Variants in UTP15 observed in about 807,000 individuals in gnomAD.
UTP15 encodes the protein UTP15 small subunit processome component, also known as U3 small nucleolar RNA-associated protein 15 homolog.
In UTP15, 5 loss-of-function variants were observed where a neutral mutation model predicts 59.1. The ratio of observed to expected loss-of-function variants is 0.08; its 90% CI spans 0.04 to 0.18. UTP15 has a LOEUF of 0.18. Among genes scored for constraint, UTP15 ranks in the 10% least tolerant of loss-of-function variants. The probability of loss-of-function intolerance (pLI) is 1.00; values close to 1 mark genes in which losing one functional copy is unlikely to be tolerated. For missense variants in UTP15, 494 were observed against 616.7 expected (o/e 0.80, Z 2.11); for synonymous variants, 211 against 212.2 (o/e 0.99, Z 0.05).
chr5:73,567,522 A>G (rs965816405), intron 2 of UTP15, 88 bp downstream of exon 2: 4 of 902,670 alleles, frequency 4.4e-6, no homozygotes, highest in Admixed American at 2.8e-5. Flanking sequence ...TCTAACAGAG[A>G]ATTATTAACT....
At chr5:73,577,725 ATG>A (rs1748143905) in intron 8 of UTP15, 129 bp from the exon 9 acceptor site, 3 of 728,428 alleles carry the variant, frequency 4.1e-6, no homozygotes, top group Admixed American at 3.5e-5. Context: ...TAGGCAGACT[ATG>A]TGTATTTGAA....
chr5:73,579,510 C>A, intron 12 of UTP15, 135 bp downstream of exon 12: 1 of 739,892 alleles, frequency 1.4e-6, no homozygotes, highest in Non-Finnish European at 2.1e-6. Flanking sequence ...ATGGAGAAAA[C>A]AACAAGTCAG....
intron 2 of UTP15, chr5:73,567,636 A>G (rs540517868): frequency 7.5e-6 from 3 of 399,198 alleles, no homozygotes; most frequent in African/African-American, 6.2e-5. Flanking sequence ...GATTAACCAT[A>G]CAAATGCCTA....
rs1748279567 is a variant in UTP15 at position 73,580,777 on chromosome 5, C to A, written c.*683C>A. On this transcript the variant is annotated 3_prime_UTR_variant, in exon 13 of 13. Transcript: ENST00000296792. ...GACTACTTTTTTTTTTTTCTTCATG[C>A]AGCCTTTCTACCAAGTTTTCACCTT... 1 of 151,780 alleles carries A rather than the reference C, an allele frequency of 6.6e-6. No homozygotes were observed. Among genetic ancestry groups the A allele is most frequent in the Non-Finnish European group, 1.5e-5 (1 of 67,944 alleles). The allele number at this position is 151,780 out of a possible 1,614,324, so 9.4% of individuals were successfully genotyped here. A position where few individuals can be genotyped will look rare whatever the true frequency, so the allele number is the denominator to read the frequency against.
chr5:73,579,138 A>T lies in UTP15; in HGVS notation c.1268A>T (p.Asn423Ile). 2.5e-6 allele frequency: 4 copies of T among 1,613,726 alleles called. No individual in the cohort carries two copies. Among genetic ancestry groups the T allele is most frequent in the Non-Finnish European group, 3.4e-6 (4 of 1,179,776 alleles). Residue 423 changes from asparagine (N) to isoleucine (I), a missense_variant, in exon 11 of 13, where the codon AAT becomes ATT. Transcript: ENST00000296792. ...GAGAAGGAAATCAGTCATGTTCTTA[A>T]TTTTTTGATAAGGTATGTTTTTTGT... ...RDEKEISHVLNFLIRNLSQPR... is the reference protein window; with the variant it reads ...RDEKEISHVLIFLIRNLSQPR...
Position 73,572,599 on chromosome 5 carries a change from A to C in UTP15, c.784A>C (p.Arg262=). The change falls in exon 7 of 13, where the codon AGG becomes CGG. Residue 262 remains arginine (R), a synonymous_variant. Transcript: ENST00000296792. ...TTTATGTCTAAGCAGCTCTGGACAG[A>C]GGTTACTCTCTGGCTCACTGGATAG... ...TCLCLSSSGQ[R]LLSGSLDRKV... 1 of 1,613,998 alleles carries C rather than the reference A, an allele frequency of 6.2e-7. No homozygotes were observed. The highest frequency in any genetic ancestry group is 8.5e-7 in the Non-Finnish European group (1 of 1,179,972).
At position 73,580,144 on chromosome 5, in the gene UTP15, CTG is replaced by C. The variant is rs1288780697; in HGVS notation, c.*52_*53del. The C allele has an allele frequency of 3.9e-6, 6 of 1,532,942 alleles. No individual in the cohort carries two copies. In the Admixed American group the frequency reaches 8.8e-5, roughly 23 times the overall value. The allele number at this position is 1,532,942 out of a possible 1,614,324, so 95.0% of individuals were successfully genotyped here. On this transcript the variant is annotated 3_prime_UTR_variant, in exon 13 of 13. Coordinates refer to ENST00000296792, the MANE Select transcript of UTP15 (RefSeq NM_032175.4). ...AACTCTGAAGTTGGAATAGATTTGA[CTG>C]TATTAAATGTTGGCGAGAGACTCTC...
At chr5:73,570,456 C>T in intron 5 of UTP15, 130 bp from the exon 6 acceptor site, 1 of 876,718 alleles carries the variant, frequency 1.1e-6, no homozygotes, top group Non-Finnish European at 1.7e-6. Context: ...CCTGTGTCTT[C>T]ATGAATATAC....
At position 73,577,849 on chromosome 5, in the gene UTP15, T is replaced by C; in HGVS notation, c.895-7T>C. The C allele has an allele frequency of 6.3e-7, 1 of 1,575,368 alleles. No homozygotes were observed. The highest frequency in any genetic ancestry group is 8.6e-7 in the Non-Finnish European group (1 of 1,167,750). ...ATAGACTAACTTATTTTTCTAATTG[T>C]TATTAGCATGAAGATGAGACAATAG... On this transcript the variant is annotated splice_region_variant and splice_polypyrimidine_tract_variant and intron_variant, in intron 8 of 12. Transcript: ENST00000296792.
At position 73,567,431 on chromosome 5, in the gene UTP15, T is replaced by C. The variant is rs1226619964; in HGVS notation, c.87T>C (p.Tyr29=). 5 of 1,599,222 alleles carry C rather than the reference T, an allele frequency of 3.1e-6. No homozygotes were observed. Among genetic ancestry groups the C allele is most frequent in the Non-Finnish European group, 4.3e-6 (5 of 1,172,506 alleles). ...AAGATACACTGTACTGGAACAACTA[T>C]AAGGTGAGTGTGGGACGTAATGAGG... ...ITQDTLYWNN[Y]KTPVQIKEFG... is the part of the protein sequence containing the mutation. Residue 29 remains tyrosine (Y), a synonymous_variant, in exon 2 of 13, where the codon TAT becomes TAC. Coordinates refer to ENST00000296792, the MANE Select transcript of UTP15 (RefSeq NM_032175.4).
rs1748323055 is a variant in UTP15, at chr5:73,581,772, C to T, written c.*1678C>T. The T allele has an allele frequency of 6.6e-6, 1 of 151,784 alleles. No homozygotes were observed. The highest frequency in any genetic ancestry group is 2.4e-5 in the African/African-American group (1 of 41,290). The allele number at this position is 151,784 out of a possible 1,614,324, so 9.4% of individuals were successfully genotyped here. On this transcript the variant is annotated 3_prime_UTR_variant, in exon 13 of 13. Coordinates refer to ENST00000296792, the MANE Select transcript of UTP15 (RefSeq NM_032175.4). Reference sequence around the variant, plus strand: ...TAAATTAATATGTTAAGTGAATATACTTAATATATTCTAGTACAGGTATGC... The same window carrying T: ...TAAATTAATATGTTAAGTGAATATATTTAATATATTCTAGTACAGGTATGC...
At position 73,581,076 on chromosome 5, in the gene UTP15, CAG is replaced by C. The variant is rs1748288752; in HGVS notation, c.*983_*984del. The C allele has an allele frequency of 6.8e-6, 1 of 146,026 alleles. No individual in the cohort carries two copies. Among genetic ancestry groups the C allele is most frequent in the Non-Finnish European group, 1.5e-5 (1 of 66,862 alleles). 9.0% of individuals were successfully genotyped at this position (146,026 alleles called of 1,614,324 possible). On this transcript the variant is annotated 3_prime_UTR_variant, in exon 13 of 13. Transcript: ENST00000296792. ...GAAGTTTTTTTTTTTTTTTTAAAGACAGGGTCTCGCTTTATCGCCCAGGCTGG... is the reference window on the plus strand; with the variant it reads ...GAAGTTTTTTTTTTTTTTTTAAAGACGGTCTCGCTTTATCGCCCAGGCTGG...
chr5:73,573,039 G>A (rs529847751), intron 7 of UTP15, among the ~76,000 whole-genome samples: 172 of 151,946 alleles, frequency 1.1e-3, no homozygotes, highest in African/African-American at 4.0e-3. Flanking sequence ...CTCGTGATCC[G>A]CCCACCTCAG....
At position 73,583,274 on chromosome 5, in the gene UTP15, G is replaced by A. The variant is rs1748375679; in HGVS notation, c.*3180G>A. 1 of 152,214 alleles carries A rather than the reference G, an allele frequency of 6.6e-6. No individual in the cohort carries two copies. The highest frequency in any genetic ancestry group is 2.4e-5 in the African/African-American group (1 of 41,446). The allele number at this position is 152,214 out of a possible 1,614,324, so 9.4% of individuals were successfully genotyped here. A position where few individuals can be genotyped will look rare whatever the true frequency, so the allele number is the denominator to read the frequency against. On this transcript the variant is annotated 3_prime_UTR_variant, in exon 13 of 13. Transcript: ENST00000296792. ...TCTGGGAAAATGGGAGGCTGGGAAT[G>A]CTATGTCTAGGTCATCAGCGGAGAA...
In UTP15 at chr5:73,571,708, G is replaced by A. The variant is rs574896871; in HGVS notation, c.674-781G>A. 7.2e-5 allele frequency among the ~76,000 whole-genome samples: 11 copies of A among 152,194 alleles called. No individual in the cohort carries two copies. The South Asian group carries it at 1.9e-3, about 26-fold the overall frequency. On this transcript the variant is annotated intron_variant, in intron 6 of 12. Coordinates refer to ENST00000296792, the MANE Select transcript of UTP15 (RefSeq NM_032175.4). The stretch of plus-strand genomic sequence containing the variant: ...CCTAGCACTTTGGGAGGCTGAGGCA[G>A]GCGGATAGCTTGAGTCCAGGAGTTT...
Position 73,580,480 on chromosome 5 carries a change from A to G in UTP15, c.*386A>G, listed in dbSNP as rs978634395. 1 of 157,274 alleles carries G rather than the reference A, an allele frequency of 6.4e-6. No homozygotes were observed. The highest frequency in any genetic ancestry group is 2.4e-5 in the African/African-American group (1 of 41,542). The allele number at this position is 157,274 out of a possible 1,614,324, so 9.7% of individuals were successfully genotyped here. A position where few individuals can be genotyped will look rare whatever the true frequency, so the allele number is the denominator to read the frequency against. ...TCCTGCTAAAGGAGCAAAGCCTTGT[A>G]TTACCTCTGGAAGACAACAAAAACA... On this transcript the variant is annotated 3_prime_UTR_variant, in exon 13 of 13. Coordinates refer to ENST00000296792, the MANE Select transcript of UTP15 (RefSeq NM_032175.4).
At chr5:73,572,460 A>G (rs1561277056) in intron 6 of UTP15, 29 bp from the exon 7 acceptor site, 1 of 1,611,696 alleles carries the variant, frequency 6.2e-7, no homozygotes. Flanking sequence ...TGGGCAGAAT[A>G]TCCAACTAAC....
chr5:73,575,507 G>T (rs1748063109), intron 7 of UTP15, among the ~76,000 whole-genome samples: 1 of 151,870 alleles, frequency 6.6e-6, no homozygotes, highest in Non-Finnish European at 1.5e-5. Flanking sequence ...GTAATTCTGA[G>T]GTTGAGAATC....
rs1580399518 is a variant in UTP15 at position 73,582,753 on chromosome 5, T to C, written c.*2659T>C. ...TGCTGTTTGAAGTATTTAAACATAA[T>C]TGGCATATTACAATATGTGACACTG... On this transcript the variant is annotated 3_prime_UTR_variant, in exon 13 of 13. Transcript: ENST00000296792. 1 of 152,326 alleles carries C rather than the reference T, an allele frequency of 6.6e-6. No homozygotes were observed. The highest frequency in any genetic ancestry group is 2.4e-5 in the African/African-American group (1 of 41,578). The allele number at this position is 152,326 out of a possible 1,614,324, so 9.4% of individuals were successfully genotyped here. A position where few individuals can be genotyped will look rare whatever the true frequency, so the allele number is the denominator to read the frequency against.
Sources: allele counts gnomAD v4.1 joint callset (sites outside exome capture counted in the v4.1 genomes callset), GRCh38; gene constraint gnomAD v4.1.1; transcripts MANE v1.5; gene names NCBI Gene and HGNC (gene_info 2026-07-23, HGNC 2026-07-21).